The following HDGF variants were observed in gnomAD, a reference collection of about 807,000 sequenced individuals.
The protein encoded by HDGF is hepatoma-derived growth factor.
Under a neutral mutation model 30.0 loss-of-function variants are expected in HDGF, and 5 were observed. The observed-to-expected ratio is 0.17, with a 90% CI of 0.09 to 0.35. The LOEUF is 0.35. Ranked by LOEUF, HDGF falls within the 10% of genes least tolerant of loss-of-function variation. The probability of loss-of-function intolerance (pLI) is 1.00; values close to 1 mark genes in which losing one functional copy is unlikely to be tolerated. For missense variants in HDGF, 214 were observed against 302.8 expected, an observed-to-expected ratio of 0.71 and a Z score of 2.18; for synonymous variants, 133 against 112.7, an observed-to-expected ratio of 1.18 and a Z score of -1.14.
At position 156,743,131 on chromosome 1, in the gene HDGF, C is replaced by T. The variant is rs1650245650; in HGVS notation, c.*318G>A. The T allele has an allele frequency of 3.3e-6, 1 of 304,074 alleles. No homozygotes were observed. Among genetic ancestry groups the T allele is most frequent in the East Asian group, 5.5e-5 (1 of 18,286 alleles). The allele number at this position is 304,074 out of a possible 1,614,324, so 18.8% of individuals were successfully genotyped here. On this transcript the variant is annotated 3_prime_UTR_variant, in exon 6 of 6. Transcript: ENST00000357325. ...GGAGAAGGGTGTCAGGAGGTGGGAG[C>T]AGTTGTCCCAGGCCCCAGCAGAAGC... is the stretch of plus-strand genomic sequence containing the variant.
At chr1:156,764,132 G>T (rs1489566730) in intron 1 of HDGF, among the ~76,000 whole-genome samples, 1 of 152,132 alleles carries the variant, frequency 6.6e-6, no homozygotes, top group East Asian at 1.9e-4. Context: ...CACCACGCCT[G>T]GTCTCCAACT....
At chr1:156,752,545 G>A (rs570421628), upstream of HDGF, 47 of 610,696 alleles carry the variant, frequency 7.7e-5, no homozygotes, top group African/African-American at 7.2e-4. Context: ...TGGGGAGGGG[G>A]GTCTGGGAAG....
chr1:156,757,232 G>A (rs556555252), upstream of HDGF, among the ~76,000 whole-genome samples: 58 of 142,396 alleles, frequency 4.1e-4, no homozygotes, highest in Admixed American at 1.5e-3. Context: ...TTGGGAGGCC[G>A]AGGTAGGCGA....
intron 1 of HDGF, among the ~76,000 whole-genome samples, chr1:156,766,587 G>A (rs1651385166): frequency 6.6e-6 from 1 of 152,116 alleles, no homozygotes; most frequent in Admixed American, 6.6e-5. Flanking sequence ...AAACATGGAT[G>A]GAAAGGAAGG....
intron 1 of HDGF, among the ~76,000 whole-genome samples, chr1:156,745,899 A>G (rs1193663953): frequency 6.6e-6 from 1 of 152,202 alleles, no homozygotes; most frequent in Non-Finnish European, 1.5e-5. Context: ...TCATCTGTAA[A>G]AGGGAGACAG....
intron 1 of HDGF, among the ~76,000 whole-genome samples, chr1:156,762,139 A>T (rs1651260031): frequency 6.6e-6 from 1 of 151,524 alleles, no homozygotes; most frequent in African/African-American, 2.4e-5. Flanking sequence ...GAGATCTTGA[A>T]TTAAGGGAAA....
At chr1:156,744,008 C>A in intron 4 of HDGF, 130 bp from the exon 5 acceptor site, 1 of 1,042,094 alleles carries the variant, frequency 9.6e-7, no homozygotes, top group Non-Finnish European at 1.5e-6. Context: ...AGCTGAAATG[C>A]CTTCTGTGTC....
chr1:156,747,329 A>C (rs1367807616), intron 1 of HDGF: 1 of 138,074 alleles, frequency 7.2e-6, no homozygotes, highest in Non-Finnish European at 1.5e-5. Context: ...CCAAGCCTGC[A>C]GTCTGGCACC....
At chr1:156,754,205 C>T (rs1356402612), upstream of HDGF, among the ~76,000 whole-genome samples, 2 of 152,332 alleles carry the variant, frequency 1.3e-5, no homozygotes, top group South Asian at 2.1e-4. Flanking sequence ...TGAGCAACCG[C>T]GCCCGGCCAA....
chr1:156,762,123 C>T (rs1466005973), intron 1 of HDGF, among the ~76,000 whole-genome samples: 2 of 150,514 alleles, frequency 1.3e-5, no homozygotes. Context: ...GCCTGGATGA[C>T]AGAGTGAGAT....
chr1:156,766,765 C>CT (rs1651392535), intron 1 of HDGF: 1 of 152,292 alleles, frequency 6.6e-6, no homozygotes, highest in Non-Finnish European at 1.5e-5. Context: ...CCCCACTGAG[C>CT]TGAGAAGGGA....
chr1:156,751,251 C>G lies in HDGF; in HGVS notation c.87+92G>C. 2.1e-6 allele frequency: 3 copies of G among 1,443,500 alleles called. No individual in the cohort carries two copies. Among genetic ancestry groups the G allele is most frequent in the Non-Finnish European group, 2.8e-6 (3 of 1,083,228 alleles). The allele number at this position is 1,443,500 out of a possible 1,614,324, so 89.4% of individuals were successfully genotyped here. ...ACCTACAAGCCCCCTGCCCCCACCT[C>G]TGCCCGCTCCGCGCGGAGCGCTCGT... On this transcript the variant is annotated intron_variant, in intron 1 of 5. Coordinates refer to ENST00000357325, the MANE Select transcript of HDGF (RefSeq NM_004494.3). This position sits in a 1 kb window ranked among gnomAD's most constrained non-coding sequence, Gnocchi z 4.7.
intron 1 of HDGF, among the ~76,000 whole-genome samples, chr1:156,748,276 T>C (rs1178299624): frequency 6.6e-6 from 1 of 152,080 alleles, no homozygotes; most frequent in Non-Finnish European, 1.5e-5. Context: ...ACAAAGAAAA[T>C]GTCCTTTCTT....
upstream of HDGF, among the ~76,000 whole-genome samples, chr1:156,756,299 AC>A (rs1651153888): frequency 6.6e-6 from 1 of 152,196 alleles, no homozygotes; most frequent in South Asian, 2.1e-4. Flanking sequence ...AGAGCCTGGG[AC>A]ATAATAAGTG....
intron 1 of HDGF, among the ~76,000 whole-genome samples, chr1:156,763,215 C>T (rs1651284402): frequency 6.9e-6 from 1 of 145,766 alleles, no homozygotes; most frequent in Admixed American, 6.9e-5. Flanking sequence ...CATTCTCTCT[C>T]TTTTTTTTTT....
intron 4 of HDGF, 38 bp from the exon 5 acceptor site, chr1:156,743,916 A>G (rs772474824): frequency 4.0e-6 from 6 of 1,497,438 alleles, no homozygotes; most frequent in Non-Finnish European, 1.9e-6. Flanking sequence ...CTGAGGCTGG[A>G]GAGGGAGGCC....
intron 1 of HDGF, among the ~76,000 whole-genome samples, chr1:156,746,022 C>T (rs1650518566): frequency 6.6e-6 from 1 of 152,214 alleles, no homozygotes; most frequent in South Asian, 2.1e-4. Context: ...GTCTTTTCTG[C>T]TCTGACCATG....
intron 3 of HDGF, 21 bp downstream of exon 3, chr1:156,744,987 C>G: frequency 1.2e-6 from 2 of 1,613,636 alleles, no homozygotes; most frequent in Admixed American, 3.3e-5. Flanking sequence ...CAGGGGGTCT[C>G]TGGGGCAGGC....
chr1:156,755,369 T>C (rs1270529217), upstream of HDGF, among the ~76,000 whole-genome samples: 2 of 152,074 alleles, frequency 1.3e-5, no homozygotes, highest in Admixed American at 1.3e-4. Context: ...TTTACAGTAA[T>C]GGGGGAAGGG....
Sources: gnomAD v4.1 joint callset for allele counts (sites outside exome capture counted in the v4.1 genomes callset) on GRCh38, gnomAD v4.1.1 for gene constraint, Gnocchi (gnomAD v3.1) non-coding constraint, MANE v1.5 for transcripts, NCBI Gene and HGNC (gene_info 2026-07-23, HGNC 2026-07-21) for gene names.